Variants in XKR6 observed in about 807,000 individuals in gnomAD.
XKR6 encodes the protein XK related 6, also known as XK-related protein 6.
A neutral mutation model predicts 56.7 loss-of-function variants in XKR6; 22 were observed. The observed-to-expected ratio is 0.39, with a 90% confidence interval of 0.28 to 0.55. The LOEUF (loss-of-function observed/expected upper bound fraction) is 0.55, where lower values mean the gene tolerates loss of function less well. XKR6 is among the 20% of genes least tolerant of loss of function. The pLI is 0.66. For synonymous variants in XKR6, 524 were observed against 387.8 expected (o/e 1.35, Z -4.13); for missense variants, 852 against 889.0 (o/e 0.96, Z 0.53).
intron 1 of XKR6, among the ~76,000 whole-genome samples, chr8:11,193,788 A>G (rs1803717530): frequency 2.2e-5 from 3 of 139,382 alleles, no homozygotes; most frequent in Non-Finnish European, 4.6e-5. Context: ...ATTCAGAAAA[A>G]CCTCCAAAAT....
At chr8:11,144,744 A>G (rs2116949320) in intron 1 of XKR6, among the ~76,000 whole-genome samples, 1 of 152,176 alleles carries the variant, frequency 6.6e-6, no homozygotes, top group Non-Finnish European at 1.5e-5. Context: ...GAAACATTCA[A>G]ACACTACCTT....
chr8:11,096,358 TTGG>T (rs1263200074), intron 1 of XKR6, among the ~76,000 whole-genome samples: 1 of 152,234 alleles, frequency 6.6e-6, no homozygotes, highest in Non-Finnish European at 1.5e-5. Flanking sequence ...ATCTCAAAAT[TTGG>T]TGGAACATTC....
chr8:11,178,853 A>C (rs1802817190), intron 1 of XKR6, among the ~76,000 whole-genome samples: 1 of 150,500 alleles, frequency 6.6e-6, no homozygotes, highest in Non-Finnish European at 1.5e-5. Context: ...TCTTTTTTTT[A>C]GAGACAGGGT....
At chr8:11,009,315 G>A (rs1038274325) in intron 1 of XKR6, among the ~76,000 whole-genome samples, 4 of 152,042 alleles carry the variant, frequency 2.6e-5, no homozygotes, top group Non-Finnish European at 5.9e-5. Context: ...GTTCAAGACC[G>A]GCCTGGGTAA....
rs571870939 is a variant in XKR6, at chr8:10,924,697, C to T, written c.898G>A (p.Ala300Thr). 3 of 1,613,400 alleles carry T rather than the reference C, an allele frequency of 1.9e-6. No individual in the cohort carries two copies. The highest frequency in any genetic ancestry group is 2.2e-5 in the South Asian group (2 of 91,042). ...TAGAGCTGTAGCACCAGTTGGGGCG[C>T]GCTCTCCAGGAAGGTCTCCAGGAGG... ...LRLLETFLES[A>T]PQLVLQLYIM... Residue 300 changes from alanine to threonine, a missense_variant, in exon 2 of 3, where the codon GCG becomes ACG. Transcript: ENST00000416569.
intron 1 of XKR6, among the ~76,000 whole-genome samples, chr8:11,141,270 A>T (rs1028864079): frequency 6.6e-6 from 1 of 152,192 alleles, no homozygotes; most frequent in African/African-American, 2.4e-5. Flanking sequence ...CGTGTTATGC[A>T]CTGAATATGT....
At chr8:11,111,819 C>T (rs1448701443) in intron 1 of XKR6, 2 of 151,794 alleles carry the variant, frequency 1.3e-5, no homozygotes, top group African/African-American at 4.8e-5. Context: ...TTCCAGAGTT[C>T]CTAAATATGT....
At position 10,990,304 on chromosome 8, in the gene XKR6, G is replaced by C. The variant is rs111502814; in HGVS notation, c.765-65474C>G. Among the ~76,000 whole-genome samples the C allele has an allele frequency of 9.2e-3, 1,401 of 152,326 alleles. 15 individuals carry two copies. Among genetic ancestry groups the C allele is most frequent in the African/African-American group, 0.023 (949 of 41,568 alleles). ...CTTACTGTTACTCTTAGACCAGCAG[G>C]TGGGAAGTTGGGGCTGGGGTACTGG... On this transcript the variant is annotated intron_variant, in intron 1 of 2. Transcript: ENST00000416569.
chr8:11,126,873 T>C (rs996082823), intron 1 of XKR6, among the ~76,000 whole-genome samples: 2 of 152,154 alleles, frequency 1.3e-5, no homozygotes, highest in African/African-American at 2.4e-5. Context: ...GAAACTGATA[T>C]AAACCAAAGG....
At chr8:10,902,718 C>T (rs1052782592) in intron 2 of XKR6, among the ~76,000 whole-genome samples, 2 of 152,236 alleles carry the variant, frequency 1.3e-5, no homozygotes, top group African/African-American at 4.8e-5. Context: ...CTTCCACCAA[C>T]TGCCCAAGAC....
chr8:10,994,278 A>G (rs553427789), intron 1 of XKR6, among the ~76,000 whole-genome samples: 6 of 152,268 alleles, frequency 3.9e-5, no homozygotes, highest in African/African-American at 1.2e-4. Flanking sequence ...GAGTTGCTGC[A>G]CTGTCTTCAG....
intron 1 of XKR6, among the ~76,000 whole-genome samples, chr8:11,172,334 C>G (rs1049846583): frequency 3.3e-5 from 5 of 152,152 alleles, no homozygotes; most frequent in Non-Finnish European, 7.3e-5. Context: ...CAAGCCACAG[C>G]ACTTCAGCCT....
chr8:11,065,300 G>A (rs993110562), intron 1 of XKR6, among the ~76,000 whole-genome samples: 1 of 152,216 alleles, frequency 6.6e-6, no homozygotes, highest in African/African-American at 2.4e-5. Flanking sequence ...ATGAGAGGAA[G>A]TTGTCTTATG....
intron 1 of XKR6, among the ~76,000 whole-genome samples, chr8:11,022,501 T>C (rs1432172218): frequency 6.6e-6 from 1 of 152,136 alleles, no homozygotes; most frequent in Admixed American, 6.5e-5. Context: ...CACCAGAAAT[T>C]AGGTCTTAGA....
chr8:10,963,478 G>A (rs1381075548), intron 1 of XKR6, among the ~76,000 whole-genome samples: 1 of 152,082 alleles, frequency 6.6e-6, no homozygotes, highest in African/African-American at 2.4e-5. Context: ...AGACAATCCG[G>A]GCAGGAATTT....
chr8:11,176,376 A>C (rs1387346034), intron 1 of XKR6, among the ~76,000 whole-genome samples: 1 of 152,212 alleles, frequency 6.6e-6, no homozygotes, highest in African/African-American at 2.4e-5. Flanking sequence ...TGGTAAATGA[A>C]GATCTGTTAC....
intron 1 of XKR6, among the ~76,000 whole-genome samples, chr8:11,025,384 G>A (rs1442633033): frequency 6.6e-6 from 1 of 152,196 alleles, no homozygotes; most frequent in Non-Finnish European, 1.5e-5. Flanking sequence ...TTTGGTTAAT[G>A]GAGTCTATTC....
intron 2 of XKR6, among the ~76,000 whole-genome samples, chr8:10,905,739 A>G (rs1486451468): frequency 6.6e-6 from 1 of 151,906 alleles, no homozygotes; most frequent in African/African-American, 2.4e-5. Flanking sequence ...CCTATTTTGT[A>G]TTTTTCCCAC....
At chr8:10,937,286 CT>C (rs200119286) in intron 1 of XKR6, among the ~76,000 whole-genome samples, 3,361 of 138,262 alleles carry the variant, frequency 0.024, 140 homozygotes, top group African/African-American at 0.089. Context: ...ATTGGTTATT[CT>C]AGTTATACAT....
Sources: gnomAD v4.1 joint callset for allele counts (sites outside exome capture counted in the v4.1 genomes callset) on GRCh38, gnomAD v4.1.1 for gene constraint, MANE v1.5 for transcripts, NCBI Gene and HGNC (gene_info 2026-07-23, HGNC 2026-07-21) for gene names.